Variants in SRPK2 observed in about 807,000 individuals in gnomAD.
SRPK2 encodes SFRS protein kinase 2.
SRPK2 carries 21 observed loss-of-function variants against 90.8 expected under a neutral mutation model. The ratio of observed to expected loss-of-function variants is 0.23; its 90% confidence interval spans 0.16 to 0.33. The LOEUF is 0.33. SRPK2 is among the 10% of genes least tolerant of loss of function. SRPK2 has a pLI of 1.00. For missense variants in SRPK2, 620 were observed against 869.0 expected, an observed-to-expected ratio of 0.71 and a Z score of 3.60; for synonymous variants, 288 against 311.1, an observed-to-expected ratio of 0.93 and a Z score of 0.78.
At chr7:105,238,949 T>C (rs1045564740) in intron 2 of SRPK2, among the ~76,000 whole-genome samples, 3 of 152,076 alleles carry the variant, frequency 2.0e-5, no homozygotes, top group African/African-American at 7.2e-5. Flanking sequence ...GTAAGCAAAC[T>C]TGTGGTCTAC....
intron 2 of SRPK2, among the ~76,000 whole-genome samples, chr7:105,243,723 C>T (rs1335460338): frequency 6.6e-6 from 1 of 150,676 alleles, no homozygotes; most frequent in Non-Finnish European, 1.5e-5. Context: ...TTACAATAGA[C>T]TGAATTTGCA....
At chr7:105,368,561 A>C (rs1189113969) in intron 2 of SRPK2, among the ~76,000 whole-genome samples, 5 of 152,100 alleles carry the variant, frequency 3.3e-5, no homozygotes, top group Non-Finnish European at 4.4e-5. Context: ...AAACTGGCTA[A>C]GGCACTAAAA....
At chr7:105,354,152 G>C (rs956863676) in intron 2 of SRPK2, among the ~76,000 whole-genome samples, 2 of 152,216 alleles carry the variant, frequency 1.3e-5, no homozygotes, top group East Asian at 3.8e-4. Context: ...GTCAATCAGA[G>C]ATGGGTTTGG....
intron 2 of SRPK2, among the ~76,000 whole-genome samples, chr7:105,253,964 G>A (rs768393281): frequency 3.3e-5 from 5 of 151,906 alleles, no homozygotes; most frequent in Non-Finnish European, 7.4e-5. Context: ...CCTGTTTAGA[G>A]TGAGAGGCTT....
At chr7:105,138,016 C>G (rs187738676) in intron 11 of SRPK2, among the ~76,000 whole-genome samples, 1 of 152,232 alleles carries the variant, frequency 6.6e-6, no homozygotes, top group Admixed American at 6.5e-5. Context: ...AGATCCTGTC[C>G]CTGGTACATC....
chr7:105,259,662 A>T (rs1047453473), intron 2 of SRPK2, among the ~76,000 whole-genome samples: 1 of 152,240 alleles, frequency 6.6e-6, no homozygotes, highest in Non-Finnish European at 1.5e-5. Flanking sequence ...TAACCAAAAC[A>T]GCATGGTACT....
At position 105,264,084 on chromosome 7, in the gene SRPK2, T is replaced by C. The variant is rs185221842; in HGVS notation, c.72-60299A>G. 4.3e-3 allele frequency among the ~76,000 whole-genome samples: 649 copies of C among 152,340 alleles called. 19 individuals are homozygous for C. The highest frequency in any genetic ancestry group is 1.2e-3 in the East Asian group (6 of 5,196). On this transcript the variant is annotated intron_variant, in intron 2 of 15. Transcript: ENST00000393651. Reference sequence around the variant, plus strand: ...AAGAAAGACCCTTTGGTTCTCCTCCTATAACTGCTCTTAGTCCACCACACA... The same window carrying C: ...AAGAAAGACCCTTTGGTTCTCCTCCCATAACTGCTCTTAGTCCACCACACA...
intron 2 of SRPK2, among the ~76,000 whole-genome samples, chr7:105,382,631 G>T (rs1024949192): frequency 2.0e-5 from 3 of 148,194 alleles, no homozygotes; most frequent in African/African-American, 4.9e-5. Flanking sequence ...AGGGCATTAC[G>T]CTGCATGAAA....
chr7:105,303,302 C>A (rs1309724098), intron 2 of SRPK2, among the ~76,000 whole-genome samples: 1 of 151,788 alleles, frequency 6.6e-6, no homozygotes, highest in Non-Finnish European at 1.5e-5. Context: ...CATCACACAC[C>A]AGGGCCTGTC....
chr7:105,180,739 C>T (rs563080307), intron 3 of SRPK2, among the ~76,000 whole-genome samples: 10 of 152,238 alleles, frequency 6.6e-5, no homozygotes, highest in Non-Finnish European at 1.5e-4. Flanking sequence ...GCCTGGGTGA[C>T]ACAGCAAGAC....
intron 2 of SRPK2, among the ~76,000 whole-genome samples, chr7:105,242,217 C>T (rs550873685): frequency 3.9e-5 from 6 of 152,250 alleles, no homozygotes; most frequent in African/African-American, 1.4e-4. Flanking sequence ...TGTGAGAAAG[C>T]AGCTGAAAAT....
chr7:105,147,087 A>G (rs1186215919), intron 7 of SRPK2, among the ~76,000 whole-genome samples: 5 of 152,186 alleles, frequency 3.3e-5, no homozygotes. Context: ...AATAGTAAGT[A>G]TATTTTCTCT....
At position 105,132,815 on chromosome 7, in the gene SRPK2, C is replaced by T. The variant is rs56172322; in HGVS notation, c.1728G>A (p.Ala576=). The change falls in exon 13 of 16, where the codon GCG becomes GCA. Residue 576 remains alanine, a synonymous_variant. Coordinates refer to ENST00000393651, the MANE Select transcript of SRPK2 (RefSeq NM_182692.3). ...VLIGAGYSTP[A]DIWSTACMAF... is the part of the protein sequence containing the mutation. ...CCATACACGCCGTGCTCCAGATGTC[C>T]GCAGGGGTGCTGTACCCCGCTCCTA... 2.1e-4 allele frequency: 341 copies of T among 1,609,614 alleles called. 1 individual carries two copies. In the East Asian group the frequency reaches 3.4e-3, roughly 16 times the overall value.
chr7:105,375,983 CTTTTTTTTTTTTT>C (rs34445430), intron 2 of SRPK2, among the ~76,000 whole-genome samples: 2 of 63,144 alleles, frequency 3.2e-5, no homozygotes, highest in Non-Finnish European at 5.6e-5. Context: ...GAATTCATTT[CTTTTTTTTTTTTT>C]TTTTTTTTTT....
At chr7:105,388,013 C>A (rs1227569563) in intron 2 of SRPK2, among the ~76,000 whole-genome samples, 1 of 152,132 alleles carries the variant, frequency 6.6e-6, no homozygotes, top group Non-Finnish European at 1.5e-5. Flanking sequence ...CACGCTCAAC[C>A]CGAGCGGAAA....
intron 2 of SRPK2, among the ~76,000 whole-genome samples, chr7:105,311,146 T>C (rs543087185): frequency 1.1e-4 from 17 of 152,142 alleles, no homozygotes; most frequent in Admixed American, 3.3e-4. Context: ...ACATCATATA[T>C]CTGATAAGGG....
intron 11 of SRPK2, among the ~76,000 whole-genome samples, chr7:105,137,905 C>T (rs909988388): frequency 6.6e-6 from 1 of 152,166 alleles, no homozygotes; most frequent in Admixed American, 6.6e-5. Flanking sequence ...GCTTATACCC[C>T]TTCCCATGCA....
At chr7:105,134,739 G>A (rs1802548490) in intron 11 of SRPK2, among the ~76,000 whole-genome samples, 1 of 152,212 alleles carries the variant, frequency 6.6e-6, no homozygotes, top group Admixed American at 6.5e-5. Flanking sequence ...GACCTAGGGT[G>A]CCCACACAGC....
rs530080820 is a variant in SRPK2, at chr7:105,177,954, G to A, written c.230-8689C>T. ...TGAGGCAGGAGAACGGCGTGAACCC[G>A]GAAGGTGGAGCTTGCAGTGAGCTGA... On this transcript the variant is annotated intron_variant, in intron 3 of 15. Transcript: ENST00000393651. Among the ~76,000 whole-genome samples, 1,401 of 151,444 alleles carry A rather than the reference G, an allele frequency of 9.3e-3. 9 individuals are homozygous for A. Among genetic ancestry groups the A allele is most frequent in the South Asian group, 0.03 (143 of 4,794 alleles).
Sources: allele counts gnomAD v4.1 joint callset (sites outside exome capture counted in the v4.1 genomes callset), GRCh38; gene constraint gnomAD v4.1.1; transcripts MANE v1.5; gene names NCBI Gene and HGNC (gene_info 2026-07-23, HGNC 2026-07-21).